The following SLC10A7 variants were observed in gnomAD, a reference collection of about 807,000 sequenced individuals.
The protein encoded by SLC10A7 is sodium/bile acid cotransporter 7.
SLC10A7 carries 29 observed loss-of-function variants against 43.2 expected under a neutral mutation model. The ratio of observed to expected loss-of-function variants is 0.67; its 90% confidence interval spans 0.50 to 0.92. SLC10A7 has a LOEUF of 0.92. SLC10A7 is among the 40% of genes least tolerant of loss of function. SLC10A7 has a pLI of 0.00. For synonymous variants in SLC10A7, 152 were observed against 144.8 expected (o/e 1.05, Z -0.35); for missense variants, 295 against 403.2 (o/e 0.73, Z 2.30).
At chr4:146,434,457 AAC>A (rs1283918856) in intron 5 of SLC10A7, among the ~76,000 whole-genome samples, 1 of 152,268 alleles carries the variant, frequency 6.6e-6, no homozygotes, top group African/African-American at 2.4e-5. Context: ...GGTAGATACA[AAC>A]CTTATGATAA....
At chr4:146,521,218 T>TA (rs1738610266) in intron 1 of SLC10A7, among the ~76,000 whole-genome samples, 1 of 151,736 alleles carries the variant, frequency 6.6e-6, no homozygotes, top group African/African-American at 2.4e-5. Flanking sequence ...CTTTTTTTTT[T>TA]AATGTGGGGG....
chr4:146,357,580 G>A (rs568629998), intron 5 of SLC10A7, among the ~76,000 whole-genome samples: 1 of 152,174 alleles, frequency 6.6e-6, no homozygotes, highest in Non-Finnish European at 1.5e-5. Context: ...CCATAAGTCC[G>A]TTATCTACTT....
intron 9 of SLC10A7, among the ~76,000 whole-genome samples, chr4:146,287,084 T>C (rs1479907241): frequency 3.5e-4 from 31 of 87,796 alleles, no homozygotes; most frequent in Middle Eastern, 6.8e-3. Flanking sequence ...AGGACTGTGT[T>C]TCGAGTGGTG....
chr4:146,493,525 C>G (rs1448838244), intron 4 of SLC10A7, among the ~76,000 whole-genome samples: 1 of 151,058 alleles, frequency 6.6e-6, no homozygotes, highest in Non-Finnish European at 1.5e-5. Flanking sequence ...GAGAGATATA[C>G]CTGATTGTTT....
chr4:146,287,711 G>C (rs1448123462), intron 9 of SLC10A7, among the ~76,000 whole-genome samples: 1 of 152,184 alleles, frequency 6.6e-6, no homozygotes, highest in Admixed American at 6.5e-5. Context: ...TCCTAGGTAG[G>C]GGATGTTGTC....
At chr4:146,386,356 AT>A (rs1395003674) in intron 5 of SLC10A7, among the ~76,000 whole-genome samples, 2 of 152,174 alleles carry the variant, frequency 1.3e-5, no homozygotes, top group South Asian at 2.1e-4. Context: ...TTAAAAAAAA[AT>A]GTTTTTAAAC....
At position 146,279,965 on chromosome 4, in the gene SLC10A7, G is replaced by T. The variant is rs571569421; in HGVS notation, c.847+3227C>A. 7.2e-5 allele frequency among the ~76,000 whole-genome samples: 11 copies of T among 152,186 alleles called. No individual in the cohort carries two copies. In the South Asian group the frequency reaches 2.3e-3, roughly 32 times the overall value. On this transcript the variant is annotated intron_variant, in intron 10 of 11. Coordinates refer to ENST00000335472, the MANE Select transcript of SLC10A7 (RefSeq NM_001029998.6). Reference sequence around the variant, plus strand: ...AGTACAAGGAAGAGATCGAGATAGGGCAAAAGCAAGAACAATAAAATAAAT... The same window carrying T: ...AGTACAAGGAAGAGATCGAGATAGGTCAAAAGCAAGAACAATAAAATAAAT...
At chr4:146,397,577 C>T (rs571879469) in intron 5 of SLC10A7, among the ~76,000 whole-genome samples, 123 of 152,222 alleles carry the variant, frequency 8.1e-4, no homozygotes, top group African/African-American at 2.8e-3. Flanking sequence ...TGAAGCTTTC[C>T]TTCATATCCT....
intron 5 of SLC10A7, among the ~76,000 whole-genome samples, chr4:146,364,846 T>C (rs1736284970): frequency 6.6e-6 from 1 of 152,140 alleles, no homozygotes; most frequent in Admixed American, 6.5e-5. Flanking sequence ...TACCCTGATT[T>C]GATCATTACA....
rs574127383 is a variant in SLC10A7 at position 146,254,129 on chromosome 4, T to C, written c.*2362A>G. On this transcript the variant is annotated 3_prime_UTR_variant, in exon 12 of 12. Transcript: ENST00000335472. ...TGAACATTAGCTAGAGGTGTGTTAA[T>C]TTTTAACAGAATAGGGAAAAATTTT... is the stretch of plus-strand genomic sequence containing the variant. 1.3e-5 allele frequency: 2 copies of C among 152,300 alleles called. No individual in the cohort carries two copies. The highest frequency in any genetic ancestry group is 1.3e-4 in the Admixed American group (2 of 15,292). The allele number at this position is 152,300 out of a possible 1,614,324, so 9.4% of individuals were successfully genotyped here.
At position 146,305,949 on chromosome 4, in the gene SLC10A7, C is replaced by G. The variant is rs752383446; in HGVS notation, c.532G>C (p.Val178Leu). The change falls in exon 7 of 12, where the codon GTG (valine) becomes CTG (leucine). Residue 178 changes from valine (V) to leucine (L), a missense_variant. Physicochemically the swap from Val to Leu is conservative, Grantham distance 32 (BLOSUM62 1). Around this residue, in one of 2 missense-constraint regions of SLC10A7, gnomAD observed 242 missense variants for 362.5 expected, o/e 0.67. Transcript: ENST00000335472. ...SIFSQLFMTVVVPLIIGQIVR... is the reference protein window; with the variant it reads ...SIFSQLFMTVLVPLIIGQIVR... ...ACCTGTCCAATGATGAGAGGAACCA[C>G]AACAGTCATAAAAAGCTGAGAAAAA... The G allele has an allele frequency of 1.2e-6, 2 of 1,609,858 alleles. No individual in the cohort carries two copies. The highest frequency in any genetic ancestry group is 8.5e-7 in the Non-Finnish European group (1 of 1,178,474).
intron 5 of SLC10A7, among the ~76,000 whole-genome samples, chr4:146,413,572 G>A (rs1728350833): frequency 6.6e-6 from 1 of 152,022 alleles, no homozygotes; most frequent in South Asian, 2.1e-4. Context: ...TTACTACTCA[G>A]GATGAATTAA....
chr4:146,266,414 T>G (rs1056983717), intron 10 of SLC10A7, among the ~76,000 whole-genome samples: 1 of 151,846 alleles, frequency 6.6e-6, no homozygotes, highest in South Asian at 2.1e-4. Context: ...CACATGCCCA[T>G]GCACATGGAC....
At chr4:146,431,021 T>C (rs1009068373) in intron 5 of SLC10A7, among the ~76,000 whole-genome samples, 8 of 152,274 alleles carry the variant, frequency 5.3e-5, no homozygotes, top group Admixed American at 2.0e-4. Flanking sequence ...AAGAATATTT[T>C]ACTATTAATT....
intron 9 of SLC10A7, among the ~76,000 whole-genome samples, chr4:146,288,578 T>A (rs531905278): frequency 2.0e-5 from 3 of 152,312 alleles, no homozygotes; most frequent in African/African-American, 7.2e-5. Flanking sequence ...GCAGCTATCT[T>A]GGTAAATAAT....
At chr4:146,416,085 G>T (rs1728542763) in intron 5 of SLC10A7, among the ~76,000 whole-genome samples, 1 of 152,112 alleles carries the variant, frequency 6.6e-6, no homozygotes, top group Non-Finnish European at 1.5e-5. Flanking sequence ...CTAGTGTCTG[G>T]CATGGAGCAG....
At chr4:146,334,144 C>A (rs1372603648) in intron 5 of SLC10A7, among the ~76,000 whole-genome samples, 1 of 151,974 alleles carries the variant, frequency 6.6e-6, no homozygotes, top group East Asian at 1.9e-4. Flanking sequence ...TGCACAGACT[C>A]ATTTTTCTTG....
chr4:146,450,204 G>A (rs1381103790), intron 4 of SLC10A7, among the ~76,000 whole-genome samples: 2 of 152,058 alleles, frequency 1.3e-5, no homozygotes, highest in African/African-American at 4.8e-5. Flanking sequence ...CAAAAAAGAA[G>A]AAAAAAGATG....
At chr4:146,511,046 T>C (rs914638305) in intron 2 of SLC10A7, among the ~76,000 whole-genome samples, 14 of 152,158 alleles carry the variant, frequency 9.2e-5, no homozygotes, top group African/African-American at 2.9e-4. Flanking sequence ...TTATCCCTGT[T>C]TTACCGATGA....
Sources: gnomAD v4.1 joint callset for allele counts (sites outside exome capture counted in the v4.1 genomes callset) on GRCh38, gnomAD v4.1.1 for gene constraint, gnomAD v4.1.1 regional missense constraint, MANE v1.5 for transcripts, NCBI Gene and HGNC (gene_info 2026-07-23, HGNC 2026-07-21) for gene names.